Variants in TBCE observed in about 807,000 individuals in gnomAD.
The protein encoded by TBCE is tubulin folding cofactor E.
A neutral mutation model predicts 77.0 loss-of-function variants in TBCE; 53 were observed. That is an observed-to-expected ratio of 0.69 (90% CI 0.55 to 0.87). The LOEUF is 0.87. Among genes scored for constraint, TBCE ranks in the 40% least tolerant of loss-of-function variants. TBCE has a pLI of 0.00. For missense variants in TBCE, 624 were observed against 622.4 expected, an observed-to-expected ratio of 1.00 and a Z score of -0.03; for synonymous variants, 235 against 241.3, an observed-to-expected ratio of 0.97 and a Z score of 0.24.
chr1:235,386,150 T>A (rs568117274), intron 2 of TBCE, among the ~76,000 whole-genome samples: 3 of 152,336 alleles, frequency 2.0e-5, no homozygotes, highest in African/African-American at 2.4e-5. Context: ...TGGCTCCCAC[T>A]CTCTTCTGGC....
intron 2 of TBCE, among the ~76,000 whole-genome samples, chr1:235,385,817 A>T (rs1464748771): frequency 6.6e-6 from 1 of 152,176 alleles, no homozygotes; most frequent in East Asian, 1.9e-4. Flanking sequence ...GTCCATTTAC[A>T]TTTAAAGTTA....
chr1:235,448,859 AG>A lies in TBCE; in HGVS notation c.*102del. 1 of 949,536 alleles carries A rather than the reference AG, an allele frequency of 1.1e-6. No individual in the cohort carries two copies. The allele number at this position is 949,536 out of a possible 1,614,324, so 58.8% of individuals were successfully genotyped here. A position where few individuals can be genotyped will look rare whatever the true frequency, so the allele number is the denominator to read the frequency against. ...TGGAACAATTCTACTGTCAAAACAA[AG>A]GGGGTTTACAACTTGTCCTAAGTAT... is the stretch of plus-strand genomic sequence containing the variant. On this transcript the variant is annotated 3_prime_UTR_variant, in exon 17 of 17. Coordinates refer to ENST00000642610, the MANE Select transcript of TBCE (RefSeq NM_003193.5).
intron 2 of TBCE, among the ~76,000 whole-genome samples, chr1:235,396,408 T>C (rs906839671): frequency 3.3e-5 from 5 of 152,222 alleles, no homozygotes; most frequent in African/African-American, 1.2e-4. Context: ...ACACTTAGGT[T>C]GATTCCAAAC....
At chr1:235,448,470 A>T in intron 16 of TBCE, 30 bp downstream of exon 16, 2 of 1,590,928 alleles carry the variant, frequency 1.3e-6, no homozygotes, top group Non-Finnish European at 1.7e-6. Flanking sequence ...ACAAAGTCAA[A>T]GTCAAGCTTA....
Position 235,427,216 on chromosome 1 carries a change from A to T in TBCE, c.537A>T (p.Arg179Ser). 6.2e-7 allele frequency: 1 copy of T among 1,613,840 alleles called. No individual in the cohort carries two copies. The highest frequency in any genetic ancestry group is 8.5e-7 in the Non-Finnish European group (1 of 1,179,814). The change falls in exon 6 of 17, where the codon AGA becomes AGT. Residue 179 changes from arginine (R) to serine (S), a missense_variant. By Grantham distance (110) the Arg-to-Ser change is moderately radical. Transcript: ENST00000642610. ...DEVIHIADQL[R>S]HLEVLNVSEN... is the part of the protein sequence containing the mutation. ...TGATACACATTGCTGATCAGCTCAG[A>T]CACCTGGAAGTCCTTAATGTCAGGT... is the stretch of plus-strand genomic sequence containing the variant.
chr1:235,423,266 C>G (rs1252433466), intron 5 of TBCE, among the ~76,000 whole-genome samples: 1 of 152,060 alleles, frequency 6.6e-6, no homozygotes, highest in Non-Finnish European at 1.5e-5. Context: ...TGCCCAGGTG[C>G]TTGGCCTGTG....
At chr1:235,446,730 G>A (rs1217659317) in intron 15 of TBCE, among the ~76,000 whole-genome samples, 1 of 136,442 alleles carries the variant, frequency 7.3e-6, no homozygotes, top group East Asian at 2.3e-4. Flanking sequence ...TTCTCACTTT[G>A]TTACCCAGGC....
chr1:235,427,059 C>G (rs536368423), intron 5 of TBCE, 81 bp from the exon 6 acceptor site: 10 of 976,854 alleles, frequency 1.0e-5, no homozygotes, highest in Non-Finnish European at 1.5e-5. Flanking sequence ...TTAAAACGCT[C>G]ATGCTCTGGA....
Position 235,441,808 on chromosome 1 carries a change from A to C in TBCE, c.1271-6A>C, listed in dbSNP as rs770085515. The C allele has an allele frequency of 2.0e-5, 33 of 1,613,562 alleles. No homozygotes were observed. In the African/African-American group the frequency reaches 4.4e-4, roughly 22 times the overall value. Reference sequence around the variant, plus strand: ...TATCATTCATCTCTTTTGCTTTCTTAAACAGAATATGGTGCACCTGAAGAT... The same window carrying C: ...TATCATTCATCTCTTTTGCTTTCTTCAACAGAATATGGTGCACCTGAAGAT... On this transcript the variant is annotated splice_polypyrimidine_tract_variant and splice_region_variant and intron_variant, in intron 13 of 16. Coordinates refer to ENST00000642610, the MANE Select transcript of TBCE (RefSeq NM_003193.5).
chr1:235,405,709 C>G (rs1282483568), intron 3 of TBCE, among the ~76,000 whole-genome samples: 1 of 152,022 alleles, frequency 6.6e-6, no homozygotes, highest in Non-Finnish European at 1.5e-5. Context: ...AACACTTAAA[C>G]TAGTAACATA....
chr1:235,452,032 A>T lies in TBCE; in HGVS notation c.*3270A>T, dbSNP rs1323672491. On this transcript the variant is annotated 3_prime_UTR_variant, in exon 17 of 17. Coordinates refer to ENST00000642610, the MANE Select transcript of TBCE (RefSeq NM_003193.5). ...TTCTGTCGTTCAGTTTTTTTTTTTG[A>T]GACGGAGTCTCGCTCTGTCGCCCAG... The T allele has an allele frequency of 1.4e-5, 2 of 147,896 alleles. No homozygotes were observed. The highest frequency in any genetic ancestry group is 3.0e-5 in the Non-Finnish European group (2 of 67,338). The allele number at this position is 147,896 out of a possible 1,614,324, so 9.2% of individuals were successfully genotyped here.
intron 6 of TBCE, among the ~76,000 whole-genome samples, chr1:235,427,489 T>C (rs186152296): frequency 1.3e-5 from 2 of 152,292 alleles, no homozygotes; most frequent in Non-Finnish European, 1.5e-5. Context: ...AAAATCGAGC[T>C]GCAGACATAG....
At chr1:235,419,447 C>T (rs758368401) in intron 4 of TBCE, 26 bp from the exon 5 acceptor site, 1 of 1,613,760 alleles carries the variant, frequency 6.2e-7, no homozygotes, top group Non-Finnish European at 8.5e-7. Flanking sequence ...GCTTATGTAT[C>T]CATGTGAACT....
chr1:235,395,745 A>T (rs940270576), intron 2 of TBCE, among the ~76,000 whole-genome samples: 2 of 151,822 alleles, frequency 1.3e-5, no homozygotes, highest in African/African-American at 4.8e-5. Context: ...GGGATTTGCC[A>T]TGTTGGCCAG....
At chr1:235,396,106 C>CTGGA (rs1218530672) in intron 2 of TBCE, among the ~76,000 whole-genome samples, 1 of 152,004 alleles carries the variant, frequency 6.6e-6, no homozygotes, top group Non-Finnish European at 1.5e-5. Flanking sequence ...GCCGCCCAGG[C>CTGGA]TGGAGTGCAG....
chr1:235,423,305 T>C (rs1351233119), intron 5 of TBCE, among the ~76,000 whole-genome samples: 5 of 151,940 alleles, frequency 3.3e-5, no homozygotes, highest in Non-Finnish European at 1.5e-5. Flanking sequence ...GAACGGTGTG[T>C]GTGGGAGGGG....
chr1:235,441,238 G>T lies in TBCE; in HGVS notation c.1271-576G>T, dbSNP rs564871304. 96 of 155,628 alleles carry T rather than the reference G, an allele frequency of 6.2e-4. 1 individual carries two copies. In the South Asian group the frequency reaches 0.019, roughly 30 times the overall value. 9.6% of individuals were successfully genotyped at this position (155,628 alleles called of 1,614,324 possible). A position where few individuals can be genotyped will look rare whatever the true frequency, so the allele number is the denominator to read the frequency against. On this transcript the variant is annotated intron_variant, in intron 13 of 16. Transcript: ENST00000642610. ...AAATGTTGTCACTGTTTGGCCTAGA[G>T]CAGGAAAAAAGTACTGCTTTCCTCC...
intron 1 of TBCE, among the ~76,000 whole-genome samples, chr1:235,370,541 G>A (rs1004903027): frequency 1.4e-5 from 2 of 143,544 alleles, no homozygotes; most frequent in African/African-American, 2.7e-5. Flanking sequence ...GTGAGCCACT[G>A]CACCCGGCAT....
At chr1:235,421,747 C>T (rs572877118) in intron 5 of TBCE, among the ~76,000 whole-genome samples, 2 of 152,218 alleles carry the variant, frequency 1.3e-5, no homozygotes, top group East Asian at 3.9e-4. Context: ...ACCAAATAGA[C>T]TTTCTTTAAC....
Sources: allele counts gnomAD v4.1 joint callset (sites outside exome capture counted in the v4.1 genomes callset), GRCh38; gene constraint gnomAD v4.1.1; transcripts MANE v1.5; gene names NCBI Gene and HGNC (gene_info 2026-07-23, HGNC 2026-07-21).